The following PTPRE variants were observed in gnomAD, a reference collection of about 807,000 sequenced individuals.
PTPRE encodes protein tyrosine phosphatase receptor type E, also known as receptor-type tyrosine-protein phosphatase epsilon.
Under a neutral mutation model 102.0 loss-of-function variants are expected in PTPRE, and 51 were observed. That is an observed-to-expected ratio of 0.50 (90% CI 0.40 to 0.63). The LOEUF is 0.63. Among genes scored for constraint, PTPRE ranks in the 30% least tolerant of loss-of-function variants. The pLI is 0.00. For missense variants in PTPRE, 752 were observed against 915.1 expected, an observed-to-expected ratio of 0.82 and a Z score of 2.30; for synonymous variants, 345 against 348.2, an observed-to-expected ratio of 0.99 and a Z score of 0.10.
At chr10:127,918,231 G>A (rs146172303) in intron 1 of PTPRE, among the ~76,000 whole-genome samples, 4 of 152,178 alleles carry the variant, frequency 2.6e-5, no homozygotes, top group African/African-American at 9.6e-5. Flanking sequence ...ACCTCAGGCT[G>A]GCTTGGAGCA....
At position 128,061,682 on chromosome 10, in the gene PTPRE, T is replaced by G; in HGVS notation, c.592T>G (p.Tyr198Asp). Residue 198 changes from tyrosine to aspartate, a missense_variant, in exon 9 of 21, where the codon TAC (tyrosine) becomes GAC (aspartate). Around this residue, in one of 2 missense-constraint regions of PTPRE, gnomAD observed 636 missense variants for 824.4 expected, o/e 0.77. Coordinates refer to ENST00000254667, the MANE Select transcript of PTPRE (RefSeq NM_006504.6). Reference sequence around the variant, plus strand: ...AATCTGATGTTATTTTTTCTAGGGTTACAAAGAGAAGAATAAATTCATAGC... The same window carrying G: ...AATCTGATGTTATTTTTTCTAGGGTGACAAAGAGAAGAATAAATTCATAGC... ...DYINASYIDG[Y>D]KEKNKFIAAQ... is the part of the protein sequence containing the mutation. 6.3e-7 allele frequency: 1 copy of G among 1,582,000 alleles called. No individual in the cohort carries two copies. The highest frequency in any genetic ancestry group is 8.6e-7 in the Non-Finnish European group (1 of 1,166,676).
At position 128,027,289 on chromosome 10, in the gene PTPRE, C is replaced by T. The variant is rs185558789; in HGVS notation, c.-7-13586C>T. 6.0e-4 allele frequency among the ~76,000 whole-genome samples: 92 copies of T among 152,324 alleles called. 1 individual carries two copies. The highest frequency in any genetic ancestry group is 2.1e-3 in the African/African-American group (87 of 41,574). On this transcript the variant is annotated intron_variant, in intron 2 of 20. Coordinates refer to ENST00000254667, the MANE Select transcript of PTPRE (RefSeq NM_006504.6). ...CCTGCAGTGAGAGGCCTGATGGAGC[C>T]CAGTGGTCTGTGTGGCTGTCTGCTT...
chr10:127,947,528 A>C (rs775805924), intron 1 of PTPRE, among the ~76,000 whole-genome samples: 1 of 152,214 alleles, frequency 6.6e-6, no homozygotes, highest in African/African-American at 2.4e-5. Flanking sequence ...ACATCCTCTG[A>C]TGCCTCTGAC....
chr10:128,061,120 C>A (rs544187372), intron 8 of PTPRE, 105 bp downstream of exon 8: 30 of 1,125,176 alleles, frequency 2.7e-5, no homozygotes, highest in African/African-American at 1.2e-4. Flanking sequence ...CCTTTCTGGG[C>A]AGTTTGGCCA....
chr10:127,922,292 G>A (rs942041081), intron 1 of PTPRE, among the ~76,000 whole-genome samples: 1 of 152,218 alleles, frequency 6.6e-6, no homozygotes, highest in Non-Finnish European at 1.5e-5. Flanking sequence ...GACTCCAATG[G>A]TGAACAAAAC....
At chr10:128,032,766 A>G (rs4547012) in intron 2 of PTPRE, among the ~76,000 whole-genome samples, 69,244 of 152,066 alleles carry the variant, frequency 0.46, 16,209 homozygotes, top group East Asian at 0.62. Flanking sequence ...TACAGGGTAG[A>G]GGATTTTGAA....
At chr10:128,044,973 C>T (rs1475801402) in intron 3 of PTPRE, among the ~76,000 whole-genome samples, 1 of 152,240 alleles carries the variant, frequency 6.6e-6, no homozygotes, top group Non-Finnish European at 1.5e-5. Flanking sequence ...ACCCCTTGTG[C>T]TTGGCCCCAG....
chr10:127,970,599 C>A (rs1850653463), intron 1 of PTPRE, among the ~76,000 whole-genome samples: 1 of 151,916 alleles, frequency 6.6e-6, no homozygotes, highest in African/African-American at 2.4e-5. Context: ...CCGTGGATTA[C>A]ACAGTAGAGC....
intron 1 of PTPRE, among the ~76,000 whole-genome samples, chr10:127,942,269 ATC>A (rs778036481): frequency 2.0e-5 from 3 of 152,200 alleles, no homozygotes; most frequent in Non-Finnish European, 4.4e-5. Flanking sequence ...TCTAATCACT[ATC>A]AGAAACGGAA....
In PTPRE at chr10:128,082,195, C is replaced by CTTTTTTTTTT. The variant is rs35709074; in HGVS notation, c.2029-618_2029-609dup. 6.7e-4 allele frequency among the ~76,000 whole-genome samples: 60 copies of CTTTTTTTTTT among 89,052 alleles called. 3 individuals are homozygous for CTTTTTTTTTT. Among genetic ancestry groups the CTTTTTTTTTT allele is most frequent in the African/African-American group, 1.2e-3 (26 of 22,004 alleles). The allele number at this position is 89,052 out of a possible 152,430, so 58.4% of individuals were successfully genotyped here. A position where few individuals can be genotyped will look rare whatever the true frequency, so the allele number is the denominator to read the frequency against. On this transcript the variant is annotated intron_variant, in intron 20 of 20. Transcript: ENST00000254667. ...TTAGTACTCTGATTTTTTTCTCTTT[C>CTTTTTTTTTT]TTTTTTTTTTTTTTTTTTTTTTTTT...
chr10:127,913,632 C>T (rs942333084), intron 1 of PTPRE, among the ~76,000 whole-genome samples: 1 of 152,204 alleles, frequency 6.6e-6, no homozygotes, highest in South Asian at 2.1e-4. Context: ...ACAGGCTTGG[C>T]CCTGACTCCT....
intron 17 of PTPRE, among the ~76,000 whole-genome samples, chr10:128,074,721 GC>G (rs1210108330): frequency 6.6e-6 from 1 of 152,008 alleles, no homozygotes; most frequent in Non-Finnish European, 1.5e-5. Flanking sequence ...GTATGGACAT[GC>G]TTTTTCACTT....
intron 2 of PTPRE, among the ~76,000 whole-genome samples, chr10:128,011,408 A>G (rs954215376): frequency 1.3e-5 from 2 of 152,202 alleles, no homozygotes; most frequent in Admixed American, 1.3e-4. Flanking sequence ...GGTTGAGGTG[A>G]CTGGGGGACC....
chr10:128,071,149 A>C (rs959436567), intron 15 of PTPRE: 7 of 511,602 alleles, frequency 1.4e-5, no homozygotes, highest in Non-Finnish European at 2.4e-5. Context: ...ATGAGCTTGC[A>C]GATGCGGGAG....
chr10:128,054,682 G>A (rs1238376539), intron 6 of PTPRE, among the ~76,000 whole-genome samples: 5 of 151,778 alleles, frequency 3.3e-5, no homozygotes, highest in African/African-American at 7.2e-5. Flanking sequence ...GGCGGCCTAC[G>A]GTGCCCCACC....
chr10:127,967,323 A>G (rs751575900), intron 1 of PTPRE, among the ~76,000 whole-genome samples: 34 of 152,180 alleles, frequency 2.2e-4, no homozygotes, highest in Non-Finnish European at 4.3e-4. Flanking sequence ...TCTCATCTTG[A>G]CTTGCAGCTC....
intron 10 of PTPRE, among the ~76,000 whole-genome samples, chr10:128,063,825 G>A (rs1486001347): frequency 6.6e-6 from 1 of 152,186 alleles, no homozygotes; most frequent in African/African-American, 2.4e-5. Context: ...GTGGCTGTGG[G>A]GAGCCTGGGT....
intron 3 of PTPRE, among the ~76,000 whole-genome samples, chr10:128,046,843 C>T (rs557736081): frequency 1.3e-4 from 20 of 152,266 alleles, no homozygotes; most frequent in African/African-American, 4.1e-4. Flanking sequence ...AGTAAGAGGC[C>T]GGTGGTGGCT....
chr10:128,027,192 G>A (rs1846348762), intron 2 of PTPRE, among the ~76,000 whole-genome samples: 1 of 152,198 alleles, frequency 6.6e-6, no homozygotes, highest in Non-Finnish European at 1.5e-5. Flanking sequence ...TGTACTCAGT[G>A]CCCAGAAAGG....
Sources: allele counts gnomAD v4.1 joint callset (sites outside exome capture counted in the v4.1 genomes callset), GRCh38; gene constraint gnomAD v4.1.1; regional missense constraint gnomAD v4.1.1; transcripts MANE v1.5; gene names NCBI Gene and HGNC (gene_info 2026-07-23, HGNC 2026-07-21).